The following ANKRD45 variants were observed in gnomAD, a reference collection of about 807,000 sequenced individuals.
ANKRD45 encodes ankyrin repeat domain-containing protein 45.
Under a neutral mutation model 28.1 loss-of-function variants are expected in ANKRD45, and 21 were observed. That is an observed-to-expected ratio of 0.75 (90% CI 0.53 to 1.08). The LOEUF (loss-of-function observed/expected upper bound fraction) is 1.08, where lower values mean the gene tolerates loss of function less well. Among genes scored for constraint, ANKRD45 ranks in the 50% least tolerant of loss-of-function variants. ANKRD45 has a pLI of 0.00. For synonymous variants in ANKRD45, 86 were observed against 103.9 expected (o/e 0.83, Z 1.05); for missense variants, 261 against 308.7 (o/e 0.85, Z 1.16).
chr1:173,694,947 C>T, the ANKRD45 span, among the ~76,000 whole-genome samples: 1 of 152,044 alleles, frequency 6.6e-6, no homozygotes, highest in African/African-American at 2.4e-5. Context: ...TATAACTGAA[C>T]ATCTGAATTT....
the ANKRD45 span, among the ~76,000 whole-genome samples, chr1:173,684,801 TA>T: frequency 6.6e-6 from 1 of 152,374 alleles, no homozygotes; most frequent in Non-Finnish European, 1.5e-5. Context: ...ATCTGGCTAG[TA>T]GCCCCTAATT....
chr1:173,662,579 A>T (rs1336663391), intron 1 of ANKRD45, among the ~76,000 whole-genome samples: 1 of 152,200 alleles, frequency 6.6e-6, no homozygotes, highest in Non-Finnish European at 1.5e-5. Flanking sequence ...CATCATACTT[A>T]GTGTGTAAGA....
chr1:173,622,028 G>T (rs1667730006), intron 5 of ANKRD45, among the ~76,000 whole-genome samples: 1 of 152,056 alleles, frequency 6.6e-6, no homozygotes, highest in African/African-American at 2.4e-5. Context: ...CAAGCAGAGA[G>T]CCAAATCATG....
intron 1 of ANKRD45, among the ~76,000 whole-genome samples, chr1:173,668,831 A>G (rs184273349): frequency 3.9e-5 from 6 of 152,340 alleles, no homozygotes; most frequent in Admixed American, 1.3e-4. Flanking sequence ...ATATAACTGA[A>G]GTTTCACAGA....
chr1:173,666,760 A>T (rs60300256), intron 1 of ANKRD45, among the ~76,000 whole-genome samples: 2 of 151,752 alleles, frequency 1.3e-5, no homozygotes, highest in African/African-American at 4.9e-5. Flanking sequence ...ATTTAAAAAA[A>T]ATTTTTTTTT....
chr1:173,610,766 G>A (rs1278174170), intron 5 of ANKRD45, among the ~76,000 whole-genome samples: 1 of 151,872 alleles, frequency 6.6e-6, no homozygotes, highest in East Asian at 1.9e-4. Flanking sequence ...AGTTCAGCCT[G>A]GGTAACATAG....
intron 3 of ANKRD45, 50 bp downstream of exon 3, chr1:173,646,795 GA>G: frequency 1.9e-6 from 3 of 1,574,386 alleles, no homozygotes; most frequent in Non-Finnish European, 2.6e-6. Context: ...ACTCATAGGA[GA>G]AAAACTCATC....
At chr1:173,653,396 A>G (rs1424128710) in intron 2 of ANKRD45, among the ~76,000 whole-genome samples, 1 of 152,094 alleles carries the variant, frequency 6.6e-6, no homozygotes, top group Non-Finnish European at 1.5e-5. Context: ...GTTTCCATGT[A>G]GTTGTGTGGT....
At chr1:173,630,331 T>A (rs573518322) in intron 3 of ANKRD45, among the ~76,000 whole-genome samples, 52 of 152,220 alleles carry the variant, frequency 3.4e-4, no homozygotes, top group South Asian at 1.2e-3. Flanking sequence ...ACTAAAAGAT[T>A]AATCTATCAA....
rs901858661 is a variant in ANKRD45 at position 173,636,764 on chromosome 1, T to C, written c.497-9605A>G. On this transcript the variant is annotated intron_variant, in intron 3 of 5. Transcript: ENST00000333279. ...TTAATTTGAACTATATTATTAACTA[T>C]ACTATAGTATTGAACTCTACTGTTT... is the stretch of plus-strand genomic sequence containing the variant. 16 of 1,142,898 alleles carry C rather than the reference T, an allele frequency of 1.4e-5. No individual in the cohort carries two copies. The African/African-American group carries it at 1.9e-4, about 13-fold the overall frequency. 70.8% of individuals were successfully genotyped at this position (1,142,898 alleles called of 1,614,324 possible).
intron 1 of ANKRD45, among the ~76,000 whole-genome samples, chr1:173,661,837 A>T (rs923826030): frequency 1.2e-4 from 18 of 152,162 alleles, no homozygotes; most frequent in Non-Finnish European, 2.1e-4. Flanking sequence ...AATAAAAAAT[A>T]AAAAAAGTGA....
the ANKRD45 span, among the ~76,000 whole-genome samples, chr1:173,697,061 G>T: frequency 2.2e-4 from 33 of 152,264 alleles, no homozygotes; most frequent in South Asian, 3.1e-3. Flanking sequence ...GGAAGAAAGG[G>T]TTTCAGCAAT....
intron 5 of ANKRD45, 80 bp from the exon 6 acceptor site, chr1:173,610,295 A>T (rs1183234370): frequency 7.6e-7 from 1 of 1,317,064 alleles, no homozygotes; most frequent in African/African-American, 1.5e-5. Flanking sequence ...TAAGACAATA[A>T]GAATGGAATA....
intron 2 of ANKRD45, among the ~76,000 whole-genome samples, chr1:173,648,447 G>A (rs1418677305): frequency 6.6e-6 from 1 of 152,148 alleles, no homozygotes; most frequent in African/African-American, 2.4e-5. Flanking sequence ...TCGGAAGCAT[G>A]CTTTTCTGAC....
the ANKRD45 span, among the ~76,000 whole-genome samples, chr1:173,682,353 T>A: frequency 6.6e-6 from 1 of 152,146 alleles, no homozygotes; most frequent in Non-Finnish European, 1.5e-5. Flanking sequence ...AATAACTACT[T>A]AAGTCAGCAA....
intron 3 of ANKRD45, among the ~76,000 whole-genome samples, chr1:173,640,011 G>A (rs1668634515): frequency 6.6e-6 from 1 of 152,110 alleles, no homozygotes; most frequent in South Asian, 2.1e-4. Flanking sequence ...GGATGAATCA[G>A]ACTTTAAAGA....
At chr1:173,664,715 T>C (rs922467521) in intron 1 of ANKRD45, among the ~76,000 whole-genome samples, 1 of 152,236 alleles carries the variant, frequency 6.6e-6, no homozygotes, top group Non-Finnish European at 1.5e-5. Flanking sequence ...AAGTACGTAA[T>C]CTATCCAATT....
intron 5 of ANKRD45, among the ~76,000 whole-genome samples, chr1:173,623,034 G>A (rs1667771978): frequency 6.7e-6 from 1 of 149,088 alleles, no homozygotes; most frequent in Admixed American, 6.6e-5. Context: ...AAAAAAAAAA[G>A]GCTGGGCATG....
chr1:173,618,870 G>A (rs931796957), intron 5 of ANKRD45, among the ~76,000 whole-genome samples: 2 of 152,146 alleles, frequency 1.3e-5, no homozygotes, highest in African/African-American at 4.8e-5. Context: ...AAGAAAAAAT[G>A]TTAAAAGTGG....
Sources: allele counts gnomAD v4.1 joint callset (sites outside exome capture counted in the v4.1 genomes callset), GRCh38; gene constraint gnomAD v4.1.1; transcripts MANE v1.5; gene names NCBI Gene and HGNC (gene_info 2026-07-23, HGNC 2026-07-21).